Variants in RNFT2 observed in about 807,000 individuals in gnomAD.
The protein encoded by RNFT2 is ring finger protein, transmembrane 2.
In RNFT2, 36 loss-of-function variants were observed where a neutral mutation model predicts 53.0. The observed-to-expected ratio is 0.68, with a 90% CI of 0.52 to 0.90. The LOEUF (loss-of-function observed/expected upper bound fraction) is 0.90. Among genes scored for constraint, RNFT2 ranks in the 40% least tolerant of loss-of-function variants. The probability of loss-of-function intolerance (pLI) is 0.00; values close to 1 mark genes in which losing one functional copy is unlikely to be tolerated. For synonymous variants in RNFT2, 260 were observed against 253.2 expected, an observed-to-expected ratio of 1.03 and a Z score of -0.26; for missense variants, 514 against 585.6, an observed-to-expected ratio of 0.88 and a Z score of 1.26.
chr12:116,800,339 A>C (rs1457350066), intron 7 of RNFT2, among the ~76,000 whole-genome samples: 1 of 151,964 alleles, frequency 6.6e-6, no homozygotes, highest in African/African-American at 2.4e-5. Context: ...TCTACTAAAA[A>C]TACAAAAAAT....
intron 5 of RNFT2, among the ~76,000 whole-genome samples, chr12:116,761,754 T>C (rs1428473275): frequency 6.6e-6 from 1 of 152,184 alleles, no homozygotes; most frequent in Non-Finnish European, 1.5e-5. Context: ...ACCTGGGTAG[T>C]TGAGCCCGTG....
intron 7 of RNFT2, among the ~76,000 whole-genome samples, chr12:116,799,964 C>T (rs1874688618): frequency 6.6e-6 from 1 of 152,140 alleles, no homozygotes; most frequent in Non-Finnish European, 1.5e-5. Context: ...GCGTGGTACC[C>T]TCCCCAAGGT....
chr12:116,832,148 A>ATATATATATATATATATATAT (rs56674314), intron 7 of RNFT2, among the ~76,000 whole-genome samples: 4 of 55,166 alleles, frequency 7.3e-5, no homozygotes, highest in Admixed American at 2.7e-4. Context: ...AAAAAAAAAA[A>ATATATATATATATATATATAT]ATATATATAT....
At chr12:116,841,944 TATAAATATATATATAGAGAGAG>T (rs1877349010) in intron 10 of RNFT2, among the ~76,000 whole-genome samples, 2 of 26,612 alleles carry the variant, frequency 7.5e-5, no homozygotes, top group East Asian at 1.2e-3. Context: ...TAAATATATA[TATAAATATATATATAGAGAGAG>T]AGAGAGAGAG....
intron 7 of RNFT2, among the ~76,000 whole-genome samples, chr12:116,794,646 AGAAGGAAGGAAGGAAG>A (rs1252017610): frequency 0.017 from 465 of 26,624 alleles, 9 homozygotes; most frequent in African/African-American, 0.051. Flanking sequence ...AGGGGAGGGG[AGAAGGAAGGAAGGAAG>A]GGAGGAAGGA....
At chr12:116,837,014 A>G (rs1381970527) in intron 10 of RNFT2, among the ~76,000 whole-genome samples, 1 of 152,206 alleles carries the variant, frequency 6.6e-6, no homozygotes, top group African/African-American at 2.4e-5. Flanking sequence ...GGAAAGAACT[A>G]AATTTCAATT....
chr12:116,822,280 C>T (rs909216673), intron 7 of RNFT2, among the ~76,000 whole-genome samples: 1 of 151,992 alleles, frequency 6.6e-6, no homozygotes, highest in Admixed American at 6.6e-5. Context: ...GCTTGGTTCC[C>T]AGAGGGAAGC....
At position 116,779,286 on chromosome 12, in the gene RNFT2, A is replaced by C; in HGVS notation, c.820A>C (p.Thr274Pro). 2.5e-6 allele frequency: 4 copies of C among 1,613,952 alleles called. No homozygotes were observed. The highest frequency in any genetic ancestry group is 3.4e-6 in the Non-Finnish European group (4 of 1,179,886). ...GIADFVLKYI[T>P]IALKCLIVAL... is the part of the protein sequence containing the mutation. The stretch of plus-strand genomic sequence containing the variant: ...CGCAGACTTTGTTCTGAAGTACATC[A>C]CCATCGCCCTCAAGTGCCTCATCGT... The change falls in exon 7 of 11, where the codon ACC becomes CCC. Residue 274 changes from threonine (T) to proline (P), a missense_variant. Thr to Pro is a conservative substitution (Grantham distance 38, BLOSUM62 -1). Around this residue, in one of 3 missense-constraint regions of RNFT2, gnomAD observed 273 missense variants for 334.4 expected, o/e 0.82. Transcript: ENST00000257575.
intron 6 of RNFT2, among the ~76,000 whole-genome samples, chr12:116,778,222 C>G (rs1048815825): frequency 6.6e-6 from 1 of 152,130 alleles, no homozygotes; most frequent in African/African-American, 2.4e-5. Context: ...GGGTTTGTCC[C>G]CAGCAAAACT....
chr12:116,776,931 T>TTG (rs1873456125), intron 6 of RNFT2, among the ~76,000 whole-genome samples: 1 of 150,528 alleles, frequency 6.6e-6, no homozygotes, highest in Non-Finnish European at 1.5e-5. Flanking sequence ...TTTTTTTTTT[T>TTG]TTTTGAGAAG....
chr12:116,816,173 T>C (rs1056467818), intron 7 of RNFT2, among the ~76,000 whole-genome samples: 1 of 152,170 alleles, frequency 6.6e-6, no homozygotes, highest in Non-Finnish European at 1.5e-5. Flanking sequence ...ATCATCAACA[T>C]CTTATAATTA....
At chr12:116,770,577 T>A (rs1249959888) in intron 6 of RNFT2, among the ~76,000 whole-genome samples, 1 of 152,096 alleles carries the variant, frequency 6.6e-6, no homozygotes, top group East Asian at 1.9e-4. Flanking sequence ...ATTTTTTTTT[T>A]AAACAACATC....
intron 7 of RNFT2, among the ~76,000 whole-genome samples, chr12:116,791,793 G>T (rs2393084): frequency 0.9 from 137,198 of 152,270 alleles, 61,829 homozygotes; most frequent in East Asian, 0.94. Context: ...TACATAGGCA[G>T]AGAATTCTGG....
chr12:116,825,008 G>A (rs368495506), intron 7 of RNFT2, among the ~76,000 whole-genome samples: 325 of 152,214 alleles, frequency 2.1e-3, no homozygotes, highest in African/African-American at 3.7e-3. Context: ...AGGACACACC[G>A]GGTACAGCTT....
At chr12:116,806,367 CAAA>C (rs139305837) in intron 7 of RNFT2, among the ~76,000 whole-genome samples, 17,510 of 113,218 alleles carry the variant, frequency 0.15, 1,193 homozygotes, top group East Asian at 0.31. Context: ...GAGACTGTCT[CAAA>C]AAAAAAAAAA....
intron 10 of RNFT2, among the ~76,000 whole-genome samples, chr12:116,838,843 A>G (rs544321658): frequency 6.6e-6 from 1 of 152,304 alleles, no homozygotes; most frequent in South Asian, 2.1e-4. Flanking sequence ...CAAGACACCC[A>G]TTGTCCCAGA....
chr12:116,781,166 T>A (rs1873680494), intron 7 of RNFT2, among the ~76,000 whole-genome samples: 1 of 152,162 alleles, frequency 6.6e-6, no homozygotes, highest in Non-Finnish European at 1.5e-5. Context: ...GATGAATTAC[T>A]TAGCCTCAGT....
intron 3 of RNFT2, among the ~76,000 whole-genome samples, chr12:116,749,196 C>T (rs1277943482): frequency 6.6e-6 from 1 of 152,024 alleles, no homozygotes; most frequent in African/African-American, 2.4e-5. Context: ...TGAGGCCTCT[C>T]TCCTTGGCTT....
rs893423677 is a variant in RNFT2, at chr12:116,850,389, C to T, written c.*941C>T. On this transcript the variant is annotated 3_prime_UTR_variant, in exon 11 of 11. Transcript: ENST00000257575. ...ATGTTGTCCAGGGTGTTCTCAAACT[C>T]CTGGGCTCAAGCAATCCTCCTGTCC... 6.6e-6 allele frequency: 1 copy of T among 151,404 alleles called. No individual in the cohort carries two copies. The highest frequency in any genetic ancestry group is 1.5e-5 in the Non-Finnish European group (1 of 67,994). The allele number at this position is 151,404 out of a possible 1,614,324, so 9.4% of individuals were successfully genotyped here. A position where few individuals can be genotyped will look rare whatever the true frequency, so the allele number is the denominator to read the frequency against.
Sources: allele counts gnomAD v4.1 joint callset (sites outside exome capture counted in the v4.1 genomes callset), GRCh38; gene constraint gnomAD v4.1.1; regional missense constraint gnomAD v4.1.1; transcripts MANE v1.5; gene names NCBI Gene and HGNC (gene_info 2026-07-23, HGNC 2026-07-21).